Variants in PAX3 observed in about 807,000 individuals in gnomAD.
The protein encoded by PAX3 is paired box protein Pax-3.
In PAX3, 14 loss-of-function variants were observed where a neutral mutation model predicts 51.6. That is an observed-to-expected ratio of 0.27 (90% confidence interval 0.18 to 0.42). The LOEUF (loss-of-function observed/expected upper bound fraction) is 0.42, where lower values mean the gene tolerates loss of function less well. PAX3 is among the 10% of genes least tolerant of loss of function. PAX3 has a pLI of 1.00. For missense variants in PAX3, 540 were observed against 642.8 expected, an observed-to-expected ratio of 0.84 and a Z score of 1.73; for synonymous variants, 280 against 253.4, an observed-to-expected ratio of 1.11 and a Z score of -1.00.
intron 4 of PAX3, among the ~76,000 whole-genome samples, chr2:222,254,148 AT>A (rs200181556): frequency 1.9e-4 from 28 of 150,766 alleles, no homozygotes; most frequent in East Asian, 7.8e-4. Flanking sequence ...CCTATTGCAA[AT>A]TTTTTTTTTA....
At chr2:222,258,100 C>T (rs1693714883) in intron 4 of PAX3, among the ~76,000 whole-genome samples, 1 of 152,210 alleles carries the variant, frequency 6.6e-6, no homozygotes, top group Non-Finnish European at 1.5e-5. Flanking sequence ...AAGATGAATC[C>T]TCCAACCCTA....
intron 4 of PAX3, among the ~76,000 whole-genome samples, chr2:222,238,477 T>C (rs973406924): frequency 3.9e-5 from 6 of 152,134 alleles, no homozygotes; most frequent in Admixed American, 3.3e-4. Context: ...AGCATGAATT[T>C]TGTACATTGT....
Position 222,201,324 on chromosome 2 carries a change from T to A in PAX3, c.*84A>T. 20 of 1,611,308 alleles carry A rather than the reference T, an allele frequency of 1.2e-5. No individual in the cohort carries two copies. Among genetic ancestry groups the A allele is most frequent in the Non-Finnish European group, 1.6e-5 (19 of 1,179,458 alleles). ...CCCCCCCCAACAAAAGGGTAATTTT[T>A]TTTTGTTTTCAGAGCAGATTCTTCA... On this transcript the variant is annotated 3_prime_UTR_variant, in exon 9 of 9. Transcript: ENST00000392070.
chr2:222,214,205 A>G (rs983463636), intron 7 of PAX3, among the ~76,000 whole-genome samples: 4 of 152,200 alleles, frequency 2.6e-5, no homozygotes, highest in Non-Finnish European at 5.9e-5. Flanking sequence ...GTGTACACAT[A>G]TTAACACTTA....
Position 222,273,305 on chromosome 2 carries a change from A to G in PAX3, c.586+20862T>C, listed in dbSNP as rs370591566. ...GACTCTTCTTAACTAAAAAAATATA[A>G]CCACATGATTTTCGGGCTTGTGTGT... On this transcript the variant is annotated intron_variant, in intron 4 of 8. Transcript: ENST00000392070. Among the ~76,000 whole-genome samples the G allele has an allele frequency of 5.9e-5, 9 of 152,240 alleles. No individual in the cohort carries two copies. The South Asian group carries it at 1.2e-3, about 21-fold the overall frequency.
Position 222,203,424 on chromosome 2 carries a change from A to G in PAX3, c.1174-1234T>C, listed in dbSNP as rs573957431. 2.9e-4 allele frequency among the ~76,000 whole-genome samples: 44 copies of G among 152,242 alleles called. 1 individual carries two copies. Among genetic ancestry groups the G allele is most frequent in the African/African-American group, 1.0e-3 (43 of 41,550 alleles). ...ACAAAGTATTTAAATGCAGTATCCA[A>G]CAATTCCACAACATTTCCATAACAG... On this transcript the variant is annotated intron_variant, in intron 7 of 8. Transcript: ENST00000392070.
intron 4 of PAX3, chr2:222,264,379 C>A (rs1693969061): frequency 1.3e-5 from 2 of 152,242 alleles, no homozygotes; most frequent in African/African-American, 2.4e-5. Flanking sequence ...TGATGATTGC[C>A]AGGAGACGGA....
At chr2:222,277,711 G>A (rs912015770) in intron 4 of PAX3, among the ~76,000 whole-genome samples, 10 of 152,108 alleles carry the variant, frequency 6.6e-5, no homozygotes, top group Non-Finnish European at 1.5e-4. Context: ...TGAGGCAGGC[G>A]GATCACGAGG....
intron 5 of PAX3, among the ~76,000 whole-genome samples, chr2:222,230,733 T>C (rs889125996): frequency 2.6e-5 from 4 of 151,018 alleles, no homozygotes; most frequent in African/African-American, 9.7e-5. Context: ...CAAGCACCTG[T>C]AATCCCAGCT....
chr2:222,201,618 C>A, intron 8 of PAX3, 176 bp from the exon 9 acceptor site: 2 of 1,286,192 alleles, frequency 1.6e-6, no homozygotes, highest in Non-Finnish European at 2.2e-6. Flanking sequence ...GATTATCCCC[C>A]ATATGATCCT....
intron 4 of PAX3, among the ~76,000 whole-genome samples, chr2:222,269,160 T>G (rs1694159563): frequency 1.3e-5 from 2 of 152,240 alleles, no homozygotes; most frequent in African/African-American, 4.8e-5. Context: ...TTTGCAGTTT[T>G]CTTGGCTAAT....
intron 7 of PAX3, among the ~76,000 whole-genome samples, chr2:222,209,188 G>A (rs1209896704): frequency 6.6e-6 from 1 of 152,110 alleles, no homozygotes; most frequent in African/African-American, 2.4e-5. Context: ...GAAAATGGTT[G>A]TCCAGCTCAA....
intron 7 of PAX3, among the ~76,000 whole-genome samples, chr2:222,219,630 G>A (rs1275231616): frequency 3.9e-5 from 6 of 152,196 alleles, no homozygotes; most frequent in East Asian, 1.9e-4. Context: ...TCCAGAGTTC[G>A]TAGTCATCAG....
rs565663080 is a variant in PAX3, at chr2:222,262,993, G to C, written c.587-30710C>G. On this transcript the variant is annotated intron_variant, in intron 4 of 8. Transcript: ENST00000392070. Reference sequence around the variant, plus strand: ...CCACATACAAAAATTAACTGAAAATGGGTCATAGAACTAAATGTAAAGTCT... The same window carrying C: ...CCACATACAAAAATTAACTGAAAATCGGTCATAGAACTAAATGTAAAGTCT... The C allele has an allele frequency of 1.3e-4, 19 of 151,662 alleles. No homozygotes were observed. In the East Asian group the frequency reaches 3.7e-3, roughly 30 times the overall value. The allele number at this position is 151,662 out of a possible 1,614,324, so 9.4% of individuals were successfully genotyped here. A position where few individuals can be genotyped will look rare whatever the true frequency, so the allele number is the denominator to read the frequency against.
At chr2:222,245,959 T>G (rs1693214734) in intron 4 of PAX3, among the ~76,000 whole-genome samples, 1 of 151,604 alleles carries the variant, frequency 6.6e-6, no homozygotes, top group African/African-American at 2.4e-5. Flanking sequence ...CCAGCCTGGG[T>G]GACAGAGCGA....
chr2:222,274,344 T>C (rs1559301773), intron 4 of PAX3, among the ~76,000 whole-genome samples: 1 of 151,956 alleles, frequency 6.6e-6, no homozygotes, highest in Non-Finnish European at 1.5e-5. Context: ...TTTATATTTA[T>C]ATTAATATTA....
At chr2:222,206,588 C>T (rs552355217) in intron 7 of PAX3, among the ~76,000 whole-genome samples, 1 of 152,248 alleles carries the variant, frequency 6.6e-6, no homozygotes, top group African/African-American at 2.4e-5. Flanking sequence ...TCTTTAAACT[C>T]ATTCTCAAGT....
chr2:222,283,893 C>T (rs768331901), intron 4 of PAX3, among the ~76,000 whole-genome samples: 1 of 152,230 alleles, frequency 6.6e-6, no homozygotes, highest in Non-Finnish European at 1.5e-5. Context: ...CAAGCTGCGC[C>T]AGAGGGAGAA....
chr2:222,280,359 AAGAG>A (rs200633301), intron 4 of PAX3, among the ~76,000 whole-genome samples: 14,410 of 148,852 alleles, frequency 0.097, 761 homozygotes, highest in South Asian at 0.15. Context: ...AAAAGAAAGA[AAGAG>A]AGAAATAAAG....
Sources: allele counts gnomAD v4.1 joint callset (sites outside exome capture counted in the v4.1 genomes callset), GRCh38; gene constraint gnomAD v4.1.1; transcripts MANE v1.5; gene names NCBI Gene and HGNC (gene_info 2026-07-23, HGNC 2026-07-21).